TMEM116: variants seen among roughly 807,000 people sequenced by gnomAD.
TMEM116 encodes transmembrane protein 116.
In TMEM116, 38 loss-of-function variants were observed where a neutral mutation model predicts 44.3. That is an observed-to-expected ratio of 0.86 (90% CI 0.66 to 1.12). TMEM116 has a LOEUF of 1.12. Among genes scored for constraint, TMEM116 ranks in the 50% most tolerant of loss-of-function variants. The pLI is 0.00. For missense variants in TMEM116, 354 were observed against 401.7 expected (o/e 0.88, Z 1.01); for synonymous variants, 132 against 144.8 (o/e 0.91, Z 0.64).
chr12:111,948,112 T>C (rs879933991), intron 4 of TMEM116, among the ~76,000 whole-genome samples: 32 of 152,340 alleles, frequency 2.1e-4, no homozygotes, highest in Admixed American at 2.0e-3. Flanking sequence ...AGATCCAGCC[T>C]AGCAGGTACA....
At chr12:111,959,608 C>T (rs1393083667) in intron 4 of TMEM116, among the ~76,000 whole-genome samples, 3 of 152,086 alleles carry the variant, frequency 2.0e-5, no homozygotes, top group Non-Finnish European at 4.4e-5. Context: ...ACCCATCTCA[C>T]GTGCAGAGAC....
intron 4 of TMEM116, among the ~76,000 whole-genome samples, chr12:111,969,445 A>T (rs1214087447): frequency 2.0e-5 from 3 of 150,682 alleles, no homozygotes; most frequent in Non-Finnish European, 1.5e-5. Flanking sequence ...CCCAGGCTGG[A>T]GCGCAGTGGA....
chr12:111,970,078 C>T (rs2075239807), intron 4 of TMEM116, among the ~76,000 whole-genome samples: 1 of 151,688 alleles, frequency 6.6e-6, no homozygotes, highest in African/African-American at 2.4e-5. Flanking sequence ...ACCAGCCTGG[C>T]CAACATGGTG....
intron 4 of TMEM116, among the ~76,000 whole-genome samples, chr12:111,949,575 C>T (rs2073554249): frequency 6.6e-6 from 1 of 152,146 alleles, no homozygotes; most frequent in Non-Finnish European, 1.5e-5. Context: ...AACTATTTTA[C>T]AAACAATTTA....
rs187488907 is a variant in TMEM116, at chr12:111,932,807, A to T, written c.734-148T>A. 51 of 653,670 alleles carry T rather than the reference A, an allele frequency of 7.8e-5. No individual in the cohort carries two copies. In the Admixed American group the frequency reaches 9.9e-4, roughly 13 times the overall value. 40.5% of individuals were successfully genotyped at this position (653,670 alleles called of 1,614,324 possible). On this transcript the variant is annotated intron_variant, in intron 9 of 10. Coordinates refer to ENST00000552374, the MANE Select transcript of TMEM116 (RefSeq NM_001193531.2). The stretch of plus-strand genomic sequence containing the variant: ...CGTTAACTTGTTATGCAAACCAATG[A>T]GTCTTAGGCCTCCAACTTCTAGTCT...
chr12:111,990,433 T>C (rs1001683250), intron 4 of TMEM116, among the ~76,000 whole-genome samples: 10 of 152,294 alleles, frequency 6.6e-5, no homozygotes, highest in Non-Finnish European at 1.3e-4. Flanking sequence ...AGACTATAAT[T>C]ACCTGAATAA....
intron 4 of TMEM116, among the ~76,000 whole-genome samples, chr12:111,968,835 A>G (rs1412826698): frequency 1.3e-5 from 2 of 151,734 alleles, no homozygotes; most frequent in African/African-American, 2.4e-5. Context: ...TCTACTAAAA[A>G]TTCAAAAATT....
At chr12:111,966,287 C>T (rs1444210464) in intron 4 of TMEM116, among the ~76,000 whole-genome samples, 1 of 152,052 alleles carries the variant, frequency 6.6e-6, no homozygotes, top group Non-Finnish European at 1.5e-5. Context: ...GCCTGGGCAA[C>T]AGAGCAAGAC....
intron 4 of TMEM116, among the ~76,000 whole-genome samples, chr12:111,963,144 T>TA (rs2136401070): frequency 6.6e-6 from 1 of 152,256 alleles, no homozygotes; most frequent in Non-Finnish European, 1.5e-5. Context: ...TGGGGATCAT[T>TA]AAAAAGTCAG....
chr12:111,945,977 G>A (rs1202351041), intron 4 of TMEM116, among the ~76,000 whole-genome samples: 1 of 152,148 alleles, frequency 6.6e-6, no homozygotes, highest in Non-Finnish European at 1.5e-5. Context: ...TAATGTAAGT[G>A]TTCTGAGCAT....
chr12:111,993,822 C>A, intron 3 of TMEM116: 1 of 745,864 alleles, frequency 1.3e-6, no homozygotes, highest in Non-Finnish European at 2.5e-6. Context: ...TTGTTTCTCA[C>A]CCTGATGATT....
Position 111,985,268 on chromosome 12 carries a change from T to G in TMEM116, c.210+6490A>C, listed in dbSNP as rs548572709. 2.0e-4 allele frequency among the ~76,000 whole-genome samples: 28 copies of G among 140,932 alleles called. 2 individuals are homozygous for G. Among genetic ancestry groups the G allele is most frequent in the African/African-American group, 6.3e-4 (23 of 36,272 alleles). 92.5% of individuals were successfully genotyped at this position (140,932 alleles called of 152,430 possible). On this transcript the variant is annotated intron_variant, in intron 4 of 10. Transcript: ENST00000552374. ...TAACACGATCTTATATGTAGAAAAC[T>G]CTAAAGATTACACACACACACACAC...
intron 1 of TMEM116, chr12:112,011,364 C>T (rs112665890): frequency 7.2e-5 from 11 of 152,368 alleles, no homozygotes; most frequent in African/African-American, 2.6e-4. Flanking sequence ...CACACACACA[C>T]TTTCTTTCAA....
chr12:111,969,249 G>A (rs2075176942), intron 4 of TMEM116, among the ~76,000 whole-genome samples: 1 of 150,868 alleles, frequency 6.6e-6, no homozygotes, highest in South Asian at 2.1e-4. Context: ...GAACCTGGGA[G>A]GTGGAGGTTG....
intron 4 of TMEM116, among the ~76,000 whole-genome samples, chr12:111,958,202 C>T (rs1394137032): frequency 6.7e-6 from 1 of 148,870 alleles, no homozygotes; most frequent in Admixed American, 6.7e-5. Context: ...ATCTGCTGAC[C>T]TTCCCTCCAC....
chr12:111,981,647 C>T (rs904478676), intron 4 of TMEM116, among the ~76,000 whole-genome samples: 1 of 152,020 alleles, frequency 6.6e-6, no homozygotes, highest in Non-Finnish European at 1.5e-5. Context: ...GGGCAAGGGA[C>T]AACAGAAAGG....
chr12:111,995,497 A>C (rs1013602965), intron 3 of TMEM116, among the ~76,000 whole-genome samples: 1 of 152,094 alleles, frequency 6.6e-6, no homozygotes. Flanking sequence ...TAATCTCTGC[A>C]CTTTGGGAGG....
intron 4 of TMEM116, among the ~76,000 whole-genome samples, chr12:111,956,658 T>C (rs1282591028): frequency 2.0e-5 from 3 of 152,172 alleles, no homozygotes; most frequent in Non-Finnish European, 4.4e-5. Flanking sequence ...GGACTGCAGG[T>C]GCGCGCCGCC....
chr12:111,936,633 C>T (rs1383149653), intron 8 of TMEM116, 59 bp downstream of exon 8: 1 of 1,572,752 alleles, frequency 6.4e-7, no homozygotes, highest in East Asian at 2.3e-5. Flanking sequence ...CCTGGGAATA[C>T]TGGCCCATCC....
Sources: gnomAD v4.1 joint callset for allele counts (sites outside exome capture counted in the v4.1 genomes callset) on GRCh38, gnomAD v4.1.1 for gene constraint, MANE v1.5 for transcripts, NCBI Gene and HGNC (gene_info 2026-07-23, HGNC 2026-07-21) for gene names.